Variants in JMJD1C observed in about 807,000 individuals in gnomAD.
The protein encoded by JMJD1C is jumonji domain containing 1C.
Under a neutral mutation model 245.3 loss-of-function variants are expected in JMJD1C, and 31 were observed. That is an observed-to-expected ratio of 0.13 (90% CI 0.09 to 0.17). The LOEUF (loss-of-function observed/expected upper bound fraction) is 0.17. Ranked by LOEUF, JMJD1C falls within the 10% of genes least tolerant of loss-of-function variation. The probability of loss-of-function intolerance (pLI) is 1.00; values close to 1 mark genes in which losing one functional copy is unlikely to be tolerated. For missense variants in JMJD1C, 2,691 were observed against 3,000.2 expected, an observed-to-expected ratio of 0.90 and a Z score of 2.41; for synonymous variants, 1,057 against 1,017.4, an observed-to-expected ratio of 1.04 and a Z score of -0.74.
chr10:63,464,462 A>T (rs1208430727), intron 1 of JMJD1C, among the ~76,000 whole-genome samples: 2 of 152,226 alleles, frequency 1.3e-5, no homozygotes, highest in Non-Finnish European at 2.9e-5. Context: ...CTAAATTTGA[A>T]GTTTTCATTG....
At chr10:63,305,797 A>G (rs1938130323) in intron 2 of JMJD1C, among the ~76,000 whole-genome samples, 1 of 152,090 alleles carries the variant, frequency 6.6e-6, no homozygotes, top group African/African-American at 2.4e-5. Flanking sequence ...CAGTGGCACA[A>G]TCTCGGCTCA....
Position 63,295,975 on chromosome 10 carries a change from G to A in JMJD1C, c.334-31211C>T, listed in dbSNP as rs1465751149. Among the ~76,000 whole-genome samples, 12 of 34,720 alleles carry A rather than the reference G, an allele frequency of 3.5e-4. 1 individual carries two copies. The highest frequency in any genetic ancestry group is 1.0e-3 in the East Asian group (2 of 1,944). 22.8% of individuals were successfully genotyped at this position (34,720 alleles called of 152,430 possible). A position where few individuals can be genotyped will look rare whatever the true frequency, so the allele number is the denominator to read the frequency against. On this transcript the variant is annotated intron_variant, in intron 2 of 25. Transcript: ENST00000399262. Reference sequence around the variant, plus strand: ...TACACGTATATGTGTGTGTGTGTGTGTGTGTGTGTGTGTGTGTGTGTGTGT... The same window carrying A: ...TACACGTATATGTGTGTGTGTGTGTATGTGTGTGTGTGTGTGTGTGTGTGT...
At chr10:63,310,202 TTACAG>T (rs1275445105) in intron 2 of JMJD1C, among the ~76,000 whole-genome samples, 12 of 152,326 alleles carry the variant, frequency 7.9e-5, no homozygotes, top group African/African-American at 1.7e-4. Context: ...GACGAAATGA[TTACAG>T]TAAACAGACA....
chr10:63,397,920 G>A (rs1199740516), intron 1 of JMJD1C, among the ~76,000 whole-genome samples: 2 of 152,142 alleles, frequency 1.3e-5, no homozygotes, highest in East Asian at 1.9e-4. Flanking sequence ...CAGCAATTTA[G>A]TCTCTTAATG....
At chr10:63,442,652 C>G (rs1001369873) in intron 1 of JMJD1C, among the ~76,000 whole-genome samples, 1 of 152,156 alleles carries the variant, frequency 6.6e-6, no homozygotes, top group Non-Finnish European at 1.5e-5. Context: ...TGCCTCCAAG[C>G]AAATATTCAC....
chr10:63,200,052 T>A (rs1263055794), intron 11 of JMJD1C, among the ~76,000 whole-genome samples: 1 of 152,204 alleles, frequency 6.6e-6, no homozygotes, highest in East Asian at 1.9e-4. Flanking sequence ...TAGAAATGAC[T>A]GATTCTGGAG....
chr10:63,465,888 C>G lies in JMJD1C; in HGVS notation c.-226G>C, dbSNP rs1446403376. 2 of 662,510 alleles carry G rather than the reference C, an allele frequency of 3.0e-6. No homozygotes were observed. The highest frequency in any genetic ancestry group is 5.5e-6 in the Non-Finnish European group (2 of 365,644). The allele number at this position is 662,510 out of a possible 1,614,324, so 41.0% of individuals were successfully genotyped here. A position where few individuals can be genotyped will look rare whatever the true frequency, so the allele number is the denominator to read the frequency against. On this transcript the variant is annotated 5_prime_UTR_variant, in exon 1 of 26. Transcript: ENST00000399262. ...CCAGATTCGCAGCCTTGTGCTGCAG[C>G]GCCACACAAGAAAACTGAAACAAAA...
chr10:63,221,791 G>A (rs959485482), intron 3 of JMJD1C, among the ~76,000 whole-genome samples: 4 of 152,114 alleles, frequency 2.6e-5, no homozygotes, highest in Non-Finnish European at 4.4e-5. Flanking sequence ...GCACGATCTC[G>A]GCTTACTGCA....
chr10:63,285,228 A>G (rs1857854187), intron 2 of JMJD1C, among the ~76,000 whole-genome samples: 1 of 152,054 alleles, frequency 6.6e-6, no homozygotes. Flanking sequence ...ACTTAACAAC[A>G]CCTGGAACCA....
At chr10:63,305,377 C>CA (rs200146505) in intron 2 of JMJD1C, among the ~76,000 whole-genome samples, 54,474 of 109,594 alleles carry the variant, frequency 0.5, 14,376 homozygotes, top group South Asian at 0.62. Context: ...AAAAAAAAAA[C>CA]AAAAAACAAA....
intron 2 of JMJD1C, among the ~76,000 whole-genome samples, chr10:63,319,255 TAAAAAAAAAAA>T (rs59018554): frequency 1.2e-5 from 1 of 85,938 alleles, no homozygotes; most frequent in Non-Finnish European, 2.3e-5. Flanking sequence ...AGACTCCATC[TAAAAAAAAAAA>T]AAAAAAAAAA....
chr10:63,396,373 G>A (rs1049196133), intron 1 of JMJD1C, among the ~76,000 whole-genome samples: 3 of 152,072 alleles, frequency 2.0e-5, no homozygotes, highest in Non-Finnish European at 2.9e-5. Flanking sequence ...TTTCCTAAGA[G>A]ATAAAAAAGA....
chr10:63,328,336 C>T (rs1201799151), intron 2 of JMJD1C, among the ~76,000 whole-genome samples: 3 of 151,414 alleles, frequency 2.0e-5, no homozygotes, highest in Non-Finnish European at 4.4e-5. Flanking sequence ...TAGCTTGTCA[C>T]ATATATAAAA....
At chr10:63,373,693 T>C (rs1946494857) in intron 2 of JMJD1C, among the ~76,000 whole-genome samples, 1 of 152,202 alleles carries the variant, frequency 6.6e-6, no homozygotes, top group South Asian at 2.1e-4. Context: ...AAAGTATTAG[T>C]TTCTACTGTT....
intron 1 of JMJD1C, among the ~76,000 whole-genome samples, chr10:63,477,383 T>A (rs950079018): frequency 7.2e-5 from 2 of 27,778 alleles, no homozygotes; most frequent in Admixed American, 1.1e-3. Flanking sequence ...CACCATAATG[T>A]TGGCAAAAAG....
At chr10:63,491,332 G>C (rs893385695) in intron 1 of JMJD1C, among the ~76,000 whole-genome samples, 2 of 151,066 alleles carry the variant, frequency 1.3e-5, no homozygotes, top group Non-Finnish European at 3.0e-5. Context: ...AATTTCATGG[G>C]GTATCTTAAT....
At chr10:63,476,059 A>G (rs1953650914) in intron 1 of JMJD1C, among the ~76,000 whole-genome samples, 1 of 151,664 alleles carries the variant, frequency 6.6e-6, no homozygotes, top group Admixed American at 6.6e-5. Flanking sequence ...AAATACAAAA[A>G]ATTAGCCAGG....
intron 1 of JMJD1C, among the ~76,000 whole-genome samples, chr10:63,514,979 G>A (rs1237697358): frequency 6.6e-6 from 1 of 151,902 alleles, no homozygotes; most frequent in African/African-American, 2.4e-5. Flanking sequence ...CAGTAAACAG[G>A]TGTTTTGTAA....
intron 2 of JMJD1C, among the ~76,000 whole-genome samples, chr10:63,324,763 C>T (rs576840068): frequency 8.5e-5 from 13 of 152,212 alleles, no homozygotes; most frequent in Admixed American, 3.9e-4. Flanking sequence ...TAAGCATTTT[C>T]GGGAAGAAAA....
Sources: gnomAD v4.1 joint callset for allele counts (sites outside exome capture counted in the v4.1 genomes callset) on GRCh38, gnomAD v4.1.1 for gene constraint, MANE v1.5 for transcripts, NCBI Gene and HGNC (gene_info 2026-07-23, HGNC 2026-07-21) for gene names.